The following SMG1 variants were observed in gnomAD, a reference collection of about 807,000 sequenced individuals.
SMG1 encodes serine/threonine-protein kinase SMG1.
In SMG1, 22 loss-of-function variants were observed where a neutral mutation model predicts 419.9. The ratio of observed to expected loss-of-function variants is 0.05; its 90% confidence interval spans 0.04 to 0.07. SMG1 has a LOEUF of 0.07. Ranked by LOEUF, SMG1 falls within the 10% of genes least tolerant of loss-of-function variation. The pLI is 1.00. For synonymous variants in SMG1, 1,538 were observed against 1,553.5 expected, an observed-to-expected ratio of 0.99 and a Z score of 0.23; for missense variants, 3,185 against 4,342.0, an observed-to-expected ratio of 0.73 and a Z score of 7.49.
At chr16:18,886,908 T>C (rs2036635633) in intron 6 of SMG1, among the ~76,000 whole-genome samples, 1 of 152,170 alleles carries the variant, frequency 6.6e-6, no homozygotes, top group Non-Finnish European at 1.5e-5. Context: ...ATCTTAGGGG[T>C]AATTACAGAA....
intron 1 of SMG1, among the ~76,000 whole-genome samples, chr16:18,905,764 A>G (rs2037536748): frequency 6.6e-6 from 1 of 151,816 alleles, no homozygotes; most frequent in Non-Finnish European, 1.5e-5. Context: ...GGCCCCTGCT[A>G]CCACACCCGG....
chr16:18,894,512 T>C (rs138334956), intron 3 of SMG1, among the ~76,000 whole-genome samples: 186 of 151,986 alleles, frequency 1.2e-3, no homozygotes, highest in African/African-American at 4.0e-3. Context: ...TATAATATCA[T>C]AAGTCTCAGG....
intron 6 of SMG1, among the ~76,000 whole-genome samples, chr16:18,888,073 G>T (rs549135889): frequency 6.8e-5 from 10 of 147,068 alleles, no homozygotes; most frequent in Admixed American, 4.9e-4. Context: ...GCTGAGGCAG[G>T]AGAATCACTT....
rs755074367 is a variant in SMG1, at chr16:18,838,597, C to T, written c.7038G>A (p.Thr2346=). 3 of 1,613,570 alleles carry T rather than the reference C, an allele frequency of 1.9e-6. No homozygotes were observed. The highest frequency in any genetic ancestry group is 2.5e-6 in the Non-Finnish European group (3 of 1,179,530). The change falls in exon 43 of 63, where the codon ACG becomes ACA. Residue 2346 remains threonine (T), a synonymous_variant. Coordinates refer to ENST00000446231, the MANE Select transcript of SMG1 (RefSeq NM_015092.5). ...AATCTATGTGAACAACTTCTCCAGT[C>T]GTCATATCTATAAGAACATTATCCA... is the stretch of plus-strand genomic sequence containing the variant. ...RHLDNVLIDM[T]TGEVVHIDYN... is the part of the protein sequence containing the mutation.
rs749231051 is a variant in SMG1 at position 18,815,614 on chromosome 16, G to A, written c.10340C>T (p.Pro3447Leu). 5.0e-6 allele frequency: 8 copies of A among 1,613,608 alleles called. No individual in the cohort carries two copies. The highest frequency in any genetic ancestry group is 1.7e-5 in the Admixed American group (1 of 59,976). ...AAACTGCCTAACACTGTTCTCATAG[G>A]GAACATCTTCACCATCTGCCAGAGC... ...EAALADGEDV[P>L]YENSVRQFLG... The change falls in exon 59 of 63, where the codon CCC (proline) becomes CTC (leucine). Residue 3447 changes from proline (P) to leucine (L), a missense_variant. By Grantham distance (98) the Pro-to-Leu change is moderately conservative. Around this residue, in one of 27 missense-constraint regions of SMG1, gnomAD observed 737 missense variants for 846.6 expected, o/e 0.87. Transcript: ENST00000446231.
chr16:18,866,961 C>T (rs2035545528), intron 22 of SMG1, among the ~76,000 whole-genome samples, 186 bp from the exon 23 acceptor site: 1 of 152,144 alleles, frequency 6.6e-6, no homozygotes. Flanking sequence ...CAAAGGGTGA[C>T]TAACAGAACC....
In SMG1 at chr16:18,869,288, C is replaced by A; in HGVS notation, c.2649G>T (p.Leu883Phe). The change falls in exon 20 of 63, where the codon TTG (leucine) becomes TTT (phenylalanine). Residue 883 changes from leucine to phenylalanine, a missense_variant. Leu to Phe is a conservative substitution (Grantham distance 22). Coordinates refer to ENST00000446231, the MANE Select transcript of SMG1 (RefSeq NM_015092.5). ...TCTGGCAGCTATAGAACAGTCTTTCCAACCAATTGTCCTTCCTGGGAAAAG... is the reference window on the plus strand; with the variant it reads ...TCTGGCAGCTATAGAACAGTCTTTCAAACCAATTGTCCTTCCTGGGAAAAG... ...NSHRTGKDNW[L>F]ERLFYSCQRL... is the part of the protein sequence containing the mutation. 6.2e-7 allele frequency: 1 copy of A among 1,610,044 alleles called. No individual in the cohort carries two copies. The highest frequency in any genetic ancestry group is 8.5e-7 in the Non-Finnish European group (1 of 1,178,724).
Position 18,836,506 on chromosome 16 carries a change from G to C in SMG1, c.7631C>G (p.Thr2544Ser). The C allele has an allele frequency of 6.2e-7, 1 of 1,613,958 alleles. No individual in the cohort carries two copies. The highest frequency in any genetic ancestry group is 8.5e-7 in the Non-Finnish European group (1 of 1,179,878). Reference protein sequence around the residue: ...HRYSEHTQLQTQQRAVQEAIQ... With the variant: ...HRYSEHTQLQSQQRAVQEAIQ... Reference sequence around the variant, plus strand: ...TGCTTCCTGAACAGCTCTTTGCTGAGTCTGTAGTTGGGTGTGCTCAGAATA... The same window carrying C: ...TGCTTCCTGAACAGCTCTTTGCTGACTCTGTAGTTGGGTGTGCTCAGAATA... Residue 2544 changes from threonine to serine, a missense_variant, in exon 47 of 63, where the codon ACT becomes AGT. By Grantham distance (58) the Thr-to-Ser change is moderately conservative. Transcript: ENST00000446231.
At chr16:18,898,420 T>C (rs2037219200) in intron 1 of SMG1, among the ~76,000 whole-genome samples, 1 of 139,222 alleles carries the variant, frequency 7.2e-6, no homozygotes, top group South Asian at 2.3e-4. Context: ...TCAAGAAAAA[T>C]GTATGAGAAT....
chr16:18,809,485 G>T lies in SMG1; in HGVS notation c.*84C>A. 1 of 1,004,066 alleles carries T rather than the reference G, an allele frequency of 1.0e-6. No homozygotes were observed. The highest frequency in any genetic ancestry group is 1.4e-5 in the South Asian group (1 of 73,488). 62.2% of individuals were successfully genotyped at this position (1,004,066 alleles called of 1,614,324 possible). A position where few individuals can be genotyped will look rare whatever the true frequency, so the allele number is the denominator to read the frequency against. Reference sequence around the variant, plus strand: ...CCCCAGTTGCATCACCACCGACTGTGGTGTGGCTTTGGATGCCTGAGGCTG... The same window carrying T: ...CCCCAGTTGCATCACCACCGACTGTTGTGTGGCTTTGGATGCCTGAGGCTG... On this transcript the variant is annotated 3_prime_UTR_variant, in exon 63 of 63. Coordinates refer to ENST00000446231, the MANE Select transcript of SMG1 (RefSeq NM_015092.5).
At position 18,816,378 on chromosome 16, in the gene SMG1, T is replaced by G; in HGVS notation, c.10226A>C (p.Asp3409Ala). The change falls in exon 58 of 63, where the codon GAT becomes GCT. Residue 3409 changes from aspartate (D) to alanine (A), a missense_variant. Physicochemically the swap from Asp to Ala is moderately radical, Grantham distance 126. This residue lies in a region of SMG1 where 737 missense variants were observed against 846.6 expected (regional missense o/e 0.87). Coordinates refer to ENST00000446231, the MANE Select transcript of SMG1 (RefSeq NM_015092.5). ...TVCETIQNLVDNIKTVLTGHN... is the reference protein window; with the variant it reads ...TVCETIQNLVANIKTVLTGHN... The stretch of plus-strand genomic sequence containing the variant: ...ACCAGTGAGCACAGTCTTTATATTA[T>G]CAACCAGATTCTGAATTGTTTCACA... 2.5e-6 allele frequency: 4 copies of G among 1,613,972 alleles called. No individual in the cohort carries two copies. The highest frequency in any genetic ancestry group is 3.4e-6 in the Non-Finnish European group (4 of 1,179,870).
chr16:18,813,680 T>G (rs1427673294), intron 60 of SMG1, among the ~76,000 whole-genome samples: 10 of 151,870 alleles, frequency 6.6e-5, no homozygotes, highest in Non-Finnish European at 1.0e-4. Context: ...GATTCCATTT[T>G]TCAATTTTGG....
rs184872991 is a variant in SMG1, at chr16:18,861,514, T to C, written c.3696-738A>G. On this transcript the variant is annotated intron_variant, in intron 25 of 62. Coordinates refer to ENST00000446231, the MANE Select transcript of SMG1 (RefSeq NM_015092.5). ...TCTCTTTTCCATCTTTGCCTGTCCC[T>C]CTCGCTGTGTAACTTCCCTTATAAA... The C allele has an allele frequency of 3.1e-3, 478 of 152,180 alleles. 2 individuals are homozygous for C. The highest frequency in any genetic ancestry group is 7.6e-3 in the Admixed American group (116 of 15,274). The allele number at this position is 152,180 out of a possible 1,614,324, so 9.4% of individuals were successfully genotyped here.
intron 60 of SMG1, 128 bp from the exon 61 acceptor site, chr16:18,812,255 C>T: frequency 3.5e-6 from 3 of 855,456 alleles, no homozygotes; most frequent in Non-Finnish European, 5.2e-6. Context: ...AATCCTTATC[C>T]TTGGACACAG....
chr16:18,874,439 C>G (rs1477532526), intron 13 of SMG1, among the ~76,000 whole-genome samples: 3 of 151,536 alleles, frequency 2.0e-5, no homozygotes, highest in African/African-American at 4.9e-5. Context: ...GTGCCCAGCC[C>G]ACACCTATTA....
chr16:18,916,316 C>A (rs931136620), intron 1 of SMG1, among the ~76,000 whole-genome samples: 9 of 151,210 alleles, frequency 6.0e-5, no homozygotes, highest in Non-Finnish European at 1.3e-4. Context: ...GAGATCGAGA[C>A]CATCCTGGCT....
intron 1 of SMG1, among the ~76,000 whole-genome samples, chr16:18,918,662 C>A (rs189321072): frequency 3.0e-4 from 46 of 152,250 alleles, no homozygotes; most frequent in African/African-American, 1.1e-3. Context: ...GATTCTCCTG[C>A]CTCAGCCTCC....
chr16:18,871,627 T>C (rs1317388790), intron 15 of SMG1, 145 bp from the exon 16 acceptor site: 9 of 459,178 alleles, frequency 2.0e-5, no homozygotes, highest in African/African-American at 6.1e-5. Context: ...AATGAAACTA[T>C]AGAAATTACT....
intron 60 of SMG1, among the ~76,000 whole-genome samples, chr16:18,812,771 T>C (rs529030275): frequency 7.2e-5 from 11 of 152,170 alleles, no homozygotes; most frequent in African/African-American, 2.6e-4. Context: ...GCTGCACCCA[T>C]TAACTCTTCA....
Sources: allele counts gnomAD v4.1 joint callset (sites outside exome capture counted in the v4.1 genomes callset), GRCh38; gene constraint gnomAD v4.1.1; regional missense constraint gnomAD v4.1.1; transcripts MANE v1.5; gene names NCBI Gene and HGNC (gene_info 2026-07-23, HGNC 2026-07-21).